The following ROBO3 variants were observed in gnomAD, a reference collection of about 807,000 sequenced individuals.
ROBO3 encodes roundabout homolog 3.
ROBO3 carries 97 observed loss-of-function variants against 160.5 expected under a neutral mutation model. The observed-to-expected ratio is 0.60, with a 90% CI of 0.51 to 0.72. The LOEUF (loss-of-function observed/expected upper bound fraction) is 0.72. Among genes scored for constraint, ROBO3 ranks in the 30% least tolerant of loss-of-function variants. The pLI is 0.00. For missense variants in ROBO3, 1,858 were observed against 1,846.5 expected (o/e 1.01, Z -0.11); for synonymous variants, 780 against 746.2 (o/e 1.05, Z -0.74).
rs1253608394 is a variant in ROBO3, at chr11:124,876,323, C to T, written c.2642C>T (p.Ala881Val). 6.9e-7 allele frequency: 1 copy of T among 1,441,688 alleles called. No individual in the cohort carries two copies. The highest frequency in any genetic ancestry group is 9.0e-7 in the Non-Finnish European group (1 of 1,109,206). 89.3% of individuals were successfully genotyped at this position (1,441,688 alleles called of 1,614,324 possible). ...GGGCTGGAGGTGGGCGCGGGGCTGG[C>T]GGTGCGGCTGGCGAGGGTGCTGCGG... ...EPGLEVGAGL[A>V]VRLARVLREP... Residue 881 changes from alanine (A) to valine (V), a missense_variant, in exon 17 of 28, where the codon GCG (alanine) becomes GTG (valine). By Grantham distance (64) the Ala-to-Val change is moderately conservative. Transcript: ENST00000397801. This position sits in a 1 kb window ranked among gnomAD's most constrained non-coding sequence, Gnocchi z 5.3.
chr11:124,874,923 G>T lies in ROBO3; in HGVS notation c.2073+14G>T. ...GTGTCCTGGACTGTGAGTGTGGTATGGGGAGGAGATTCAGGGTGGGGATGA... is the reference window on the plus strand; with the variant it reads ...GTGTCCTGGACTGTGAGTGTGGTATTGGGAGGAGATTCAGGGTGGGGATGA... On this transcript the variant is annotated intron_variant, in intron 13 of 27. Transcript: ENST00000397801. The T allele has an allele frequency of 6.2e-7, 1 of 1,601,654 alleles. No individual in the cohort carries two copies.
chr11:124,876,837 T>A lies in ROBO3; in HGVS notation c.2780-324T>A. On this transcript the variant is annotated intron_variant, in intron 17 of 27. Coordinates refer to ENST00000397801, the MANE Select transcript of ROBO3 (RefSeq NM_022370.4). The surrounding 1 kb of genome is among the most constrained non-coding windows in gnomAD (Gnocchi z 5.3). ...CCAGGCAGTAAATTGTGCGGCGGGG[T>A]CTGGATGGAAAGGCGGGGCCCGCTG... 3.9e-6 allele frequency: 2 copies of A among 509,220 alleles called. No individual in the cohort carries two copies. Among genetic ancestry groups the A allele is most frequent in the South Asian group, 2.9e-5 (1 of 34,150 alleles). The allele number at this position is 509,220 out of a possible 1,614,324, so 31.5% of individuals were successfully genotyped here.
In ROBO3 at chr11:124,875,334, A is replaced by G. The variant is rs1946340475; in HGVS notation, c.2297A>G (p.Glu766Gly). ...SLSVTRSIPE[E>G]APSGPPQGVA... ...TCTGTGACCAGGAGCATTCCTGAGG[A>G]GGGTAAGGAGGGCCACCGAACAGAT... Residue 766 changes from glutamate to glycine, a missense_variant and splice_region_variant, in exon 14 of 28, where the codon GAG becomes GGG. Coordinates refer to ENST00000397801, the MANE Select transcript of ROBO3 (RefSeq NM_022370.4). The G allele has an allele frequency of 7.2e-7, 1 of 1,384,682 alleles. No individual in the cohort carries two copies. The highest frequency in any genetic ancestry group is 1.9e-5 in the Admixed American group (1 of 51,618). 85.8% of individuals were successfully genotyped at this position (1,384,682 alleles called of 1,614,324 possible).
Position 124,872,517 on chromosome 11 carries a change from G to C in ROBO3, c.1295G>C (p.Ser432Thr). 2.5e-6 allele frequency: 4 copies of C among 1,613,970 alleles called. No individual in the cohort carries two copies. The highest frequency in any genetic ancestry group is 3.4e-6 in the Non-Finnish European group (4 of 1,179,846). Residue 432 changes from serine to threonine, a missense_variant, in exon 8 of 28, where the codon AGC becomes ACC. Physicochemically the swap from Ser to Thr is moderately conservative, Grantham distance 58 (BLOSUM62 1). Coordinates refer to ENST00000397801, the MANE Select transcript of ROBO3 (RefSeq NM_022370.4). This position sits in a 1 kb window ranked among gnomAD's most constrained non-coding sequence, Gnocchi z 4.3. ...YVCQAVSVAG[S>T]ILAKALLEIK... The stretch of plus-strand genomic sequence containing the variant: ...TGCCAGGCTGTCAGTGTGGCTGGCA[G>C]CATCCTGGCCAAGGCCCTGCTGGAG...
intron 13 of ROBO3, 48 bp downstream of exon 13, chr11:124,874,957 C>A: frequency 6.3e-7 from 1 of 1,579,488 alleles, no homozygotes; most frequent in Admixed American, 1.8e-5. Flanking sequence ...GATTATGAGG[C>A]ACATGAGGGC....
chr11:124,877,998 T>C lies in ROBO3; in HGVS notation c.3048T>C (p.Gly1016=), dbSNP rs529436608. ...GGGGCACGGCCGCCCCTGGCGAGGGTCCTGTCTATAGCACCATTGACCCAG... is the reference window on the plus strand; with the variant it reads ...GGGGCACGGCCGCCCCTGGCGAGGGCCCTGTCTATAGCACCATTGACCCAG... ...TARGTAAPGE[G]PVYSTIDPAG... The change falls in exon 21 of 28, where the codon GGT becomes GGC. Residue 1016 remains glycine, a synonymous_variant. Coordinates refer to ENST00000397801, the MANE Select transcript of ROBO3 (RefSeq NM_022370.4). 6.2e-7 allele frequency: 1 copy of C among 1,611,902 alleles called. No individual in the cohort carries two copies. Among genetic ancestry groups the C allele is most frequent in the African/African-American group, 1.3e-5 (1 of 74,958 alleles).
At chr11:124,866,111 C>T (rs1946193280) in intron 1 of ROBO3, among the ~76,000 whole-genome samples, 1 of 152,246 alleles carries the variant, frequency 6.6e-6, no homozygotes, top group African/African-American at 2.4e-5. Context: ...CGGCCTCGGC[C>T]AAGCCAGGTC....
At chr11:124,877,429 T>C in intron 19 of ROBO3, 90 bp from the exon 20 acceptor site, 2 of 1,593,254 alleles carry the variant, frequency 1.3e-6, no homozygotes, top group South Asian at 2.2e-5. Context: ...CCACCGCCAC[T>C]GTCCTGAAAC....
Position 124,879,521 on chromosome 11 carries a change from C to T in ROBO3, c.3742C>T (p.Arg1248Ter), listed in dbSNP as rs1450805613. ...TCCCCCACTTCAAGGACCCCGTGCTCGATTCCGGAAGAAACCCAAGGCTCT... is the reference window on the plus strand; with the variant it reads ...TCCCCCACTTCAAGGACCCCGTGCTTGATTCCGGAAGAAACCCAAGGCTCT... ...MTPPLQGPRA[R>*]FRKKPKALPY... The change falls in exon 25 of 28, where the codon CGA (arginine) becomes TGA (stop). Residue 1248 changes from arginine to a stop codon, truncating the protein, a stop_gained. Transcript: ENST00000397801. LOFTEE classifies it high-confidence loss of function. The T allele has an allele frequency of 3.7e-6, 6 of 1,613,740 alleles. No individual in the cohort carries two copies. The highest frequency in any genetic ancestry group is 1.7e-5 in the Admixed American group (1 of 59,996).
At chr11:124,875,918 A>G (rs760042048) in intron 15 of ROBO3, 36 bp from the exon 16 acceptor site, 3 of 1,574,808 alleles carry the variant, frequency 1.9e-6, no homozygotes, top group Non-Finnish European at 2.6e-6. Flanking sequence ...TAAGAATCCC[A>G]TTTCTGACTC....
chr11:124,880,615 G>A lies in ROBO3; in HGVS notation c.4149+7G>A, dbSNP rs1314708179. 8.5e-6 allele frequency: 13 copies of A among 1,525,164 alleles called. No homozygotes were observed. The South Asian group carries it at 1.5e-4, about 17-fold the overall frequency. The allele number at this position is 1,525,164 out of a possible 1,614,324, so 94.5% of individuals were successfully genotyped here. Reference sequence around the variant, plus strand: ...AGGACAGAAACGCCGAGAGGTAGGGGCCATAGATTGCAGAAAAATGAGGGC... The same window carrying A: ...AGGACAGAAACGCCGAGAGGTAGGGACCATAGATTGCAGAAAAATGAGGGC... On this transcript the variant is annotated splice_region_variant and intron_variant, in intron 27 of 27. Coordinates refer to ENST00000397801, the MANE Select transcript of ROBO3 (RefSeq NM_022370.4).
At position 124,876,457 on chromosome 11, in the gene ROBO3, A is replaced by T; in HGVS notation, c.2776A>T (p.Thr926Ser). The change falls in exon 17 of 28, where the codon ACG becomes TCG. Residue 926 changes from threonine (T) to serine (S), a missense_variant. By Grantham distance (58) the Thr-to-Ser change is moderately conservative. Transcript: ENST00000397801. This position sits in a 1 kb window ranked among gnomAD's most constrained non-coding sequence, Gnocchi z 5.3. ...ACAGCGCAAAGAGCTCAGCCACTAC[A>T]CGGGTGAGCTCCCGGCCTCGGAGCG... ...RKQRKELSHY[T>S]ASFAYTPAVS... 1 of 1,410,592 alleles carries T rather than the reference A, an allele frequency of 7.1e-7. No homozygotes were observed. The highest frequency in any genetic ancestry group is 9.2e-7 in the Non-Finnish European group (1 of 1,086,632). The allele number at this position is 1,410,592 out of a possible 1,614,324, so 87.4% of individuals were successfully genotyped here.
At chr11:124,875,899 C>T (rs1278225056) in intron 15 of ROBO3, 55 bp from the exon 16 acceptor site, 3 of 1,553,868 alleles carry the variant, frequency 1.9e-6, no homozygotes, top group Non-Finnish European at 8.7e-7. Flanking sequence ...TTAAGTTTCC[C>T]GGTGAGGCTA....
rs771910790 is a variant in ROBO3, at chr11:124,876,281, C to T, written c.2600C>T (p.Pro867Leu). 2.0e-6 allele frequency: 3 copies of T among 1,467,664 alleles called. No individual in the cohort carries two copies. The highest frequency in any genetic ancestry group is 2.9e-5 in the African/African-American group (2 of 69,558). 90.9% of individuals were successfully genotyped at this position (1,467,664 alleles called of 1,614,324 possible). ...SAPVLVQLPS[P>L]PDLEPGLEVG... ...ACTTCTCTGACCCCCACAGCGTCCCCGCCGGACCTGGAGCCCGGGCTGGAG... is the reference window on the plus strand; with the variant it reads ...ACTTCTCTGACCCCCACAGCGTCCCTGCCGGACCTGGAGCCCGGGCTGGAG... Residue 867 changes from proline (P) to leucine (L), a missense_variant, in exon 17 of 28, where the codon CCG (proline) becomes CTG (leucine). Pro to Leu is a moderately conservative substitution (Grantham distance 98). Transcript: ENST00000397801. The surrounding 1 kb of genome is among the most constrained non-coding windows in gnomAD (Gnocchi z 5.3).
At chr11:124,868,754 C>G in intron 1 of ROBO3, 48 bp from the exon 2 acceptor site, 1 of 1,533,182 alleles carries the variant, frequency 6.5e-7, no homozygotes, top group Non-Finnish European at 8.9e-7. Flanking sequence ...CTCAATCTCT[C>G]CCCACAATTT....
At position 124,875,264 on chromosome 11, in the gene ROBO3, A is replaced by C. The variant is rs769493540; in HGVS notation, c.2227A>C (p.Lys743Gln). The change falls in exon 14 of 28, where the codon AAG becomes CAG. Residue 743 changes from lysine to glutamine, a missense_variant. Coordinates refer to ENST00000397801, the MANE Select transcript of ROBO3 (RefSeq NM_022370.4). ...GLPPGTQIQI[K>Q]VQAQGQEGLG... Reference sequence around the variant, plus strand: ...CCCTCCAGGGACCCAAATCCAGATCAAGGTGCAAGCCCAAGGCCAGGAGGG... The same window carrying C: ...CCCTCCAGGGACCCAAATCCAGATCCAGGTGCAAGCCCAAGGCCAGGAGGG... The C allele has an allele frequency of 6.2e-7, 1 of 1,613,316 alleles. No individual in the cohort carries two copies. Among genetic ancestry groups the C allele is most frequent in the African/African-American group, 1.3e-5 (1 of 74,728 alleles).
At position 124,878,326 on chromosome 11, in the gene ROBO3, G is replaced by A. The variant is rs753225056; in HGVS notation, c.3210G>A (p.Leu1070=). The change falls in exon 22 of 28, where the codon CTG becomes CTA. Residue 1070 remains leucine (L), a synonymous_variant. Coordinates refer to ENST00000397801, the MANE Select transcript of ROBO3 (RefSeq NM_022370.4). This position sits in a 1 kb window ranked among gnomAD's most constrained non-coding sequence, Gnocchi z 4.3. The part of the protein sequence containing the change: ...SGAKGGKVKL[L]GKPVQMPSLN... ...CCAAGGGAGGCAAAGTGAAGCTTCT[G>A]GGGAAACCTGTGCAGATGCCCTCTC... The A allele has an allele frequency of 1.2e-6, 2 of 1,613,550 alleles. No homozygotes were observed. Among genetic ancestry groups the A allele is most frequent in the South Asian group, 1.1e-5 (1 of 90,956 alleles).
chr11:124,866,371 T>C (rs947351964), intron 1 of ROBO3, among the ~76,000 whole-genome samples: 32 of 152,124 alleles, frequency 2.1e-4, no homozygotes, highest in Non-Finnish European at 2.2e-4. Context: ...GATTAATAAA[T>C]GACTGGGACA....
Position 124,872,151 on chromosome 11 carries a change from C to T in ROBO3, c.1159-230C>T, listed in dbSNP as rs1338228391. On this transcript the variant is annotated intron_variant, in intron 7 of 27. Coordinates refer to ENST00000397801, the MANE Select transcript of ROBO3 (RefSeq NM_022370.4). This position sits in a 1 kb window ranked among gnomAD's most constrained non-coding sequence, Gnocchi z 4.3. ...TTAAACAGCTTGTTCAGGGTTTCCC[C>T]ACTAGTAAGTCACGGAGCTGGGAAG... Among the ~76,000 whole-genome samples, 1 of 152,186 alleles carries T rather than the reference C, an allele frequency of 6.6e-6. No individual in the cohort carries two copies. The highest frequency in any genetic ancestry group is 1.5e-5 in the Non-Finnish European group (1 of 68,036).
Sources: gnomAD v4.1 joint callset for allele counts (sites outside exome capture counted in the v4.1 genomes callset) on GRCh38, gnomAD v4.1.1 for gene constraint, Gnocchi (gnomAD v3.1) non-coding constraint, MANE v1.5 for transcripts, NCBI Gene and HGNC (gene_info 2026-07-23, HGNC 2026-07-21) for gene names.